The following CDYL2 variants were observed in gnomAD, a reference collection of about 807,000 sequenced individuals.
CDYL2 encodes chromodomain Y-like protein 2.
Under a neutral mutation model 49.4 loss-of-function variants are expected in CDYL2, and 23 were observed. That is an observed-to-expected ratio of 0.47 (90% CI 0.34 to 0.66). CDYL2 has a LOEUF of 0.66. Among genes scored for constraint, CDYL2 ranks in the 30% least tolerant of loss-of-function variants. CDYL2 has a pLI of 0.01. For synonymous variants in CDYL2, 360 were observed against 268.8 expected (o/e 1.34, Z -3.32); for missense variants, 678 against 656.4 (o/e 1.03, Z -0.36).
intron 3 of CDYL2, among the ~76,000 whole-genome samples, chr16:80,629,706 G>A (rs1430315721): frequency 6.6e-6 from 1 of 152,228 alleles, no homozygotes; most frequent in Non-Finnish European, 1.5e-5. Flanking sequence ...ACACAGTAAT[G>A]TATGAATTTC....
chr16:80,782,315 T>A (rs564288100), intron 1 of CDYL2, among the ~76,000 whole-genome samples: 2 of 151,428 alleles, frequency 1.3e-5, no homozygotes, highest in African/African-American at 4.8e-5. Flanking sequence ...TCTGAATAGA[T>A]CTGTAACATG....
chr16:80,728,960 A>G (rs931792868), intron 1 of CDYL2, among the ~76,000 whole-genome samples: 1 of 152,000 alleles, frequency 6.6e-6, no homozygotes, highest in African/African-American at 2.4e-5. Flanking sequence ...AGCGCTAAAC[A>G]TGGAAAGGAA....
At chr16:80,673,243 C>G (rs1181113397) in intron 2 of CDYL2, among the ~76,000 whole-genome samples, 1 of 151,996 alleles carries the variant, frequency 6.6e-6, no homozygotes, top group Non-Finnish European at 1.5e-5. Flanking sequence ...TCGTTTGGAC[C>G]CGGGAGGCGG....
intron 2 of CDYL2, among the ~76,000 whole-genome samples, chr16:80,655,268 T>G (rs1220949441): frequency 6.6e-6 from 1 of 152,228 alleles, no homozygotes; most frequent in African/African-American, 2.4e-5. Context: ...GAGCCAGGAT[T>G]GGAGCCAGCC....
intron 2 of CDYL2, among the ~76,000 whole-genome samples, chr16:80,654,047 G>C (rs1466229133): frequency 6.6e-6 from 1 of 152,208 alleles, no homozygotes; most frequent in East Asian, 1.9e-4. Context: ...CACCATTTCT[G>C]CCAATGAAGT....
chr16:80,682,123 A>G (rs1378269499), intron 2 of CDYL2, among the ~76,000 whole-genome samples: 3 of 152,202 alleles, frequency 2.0e-5, no homozygotes, highest in African/African-American at 7.2e-5. Context: ...GTTGCCAGAT[A>G]ATCTAATACA....
At chr16:80,718,965 G>T (rs766676322) in intron 1 of CDYL2, among the ~76,000 whole-genome samples, 5 of 152,168 alleles carry the variant, frequency 3.3e-5, no homozygotes, top group Admixed American at 2.6e-4. Context: ...ATTGTTCTTG[G>T]CAGTAAATCC....
chr16:80,653,626 T>C (rs1250538389), intron 2 of CDYL2, among the ~76,000 whole-genome samples: 1 of 152,228 alleles, frequency 6.6e-6, no homozygotes, highest in African/African-American at 2.4e-5. Context: ...TACAGGCATG[T>C]AATGTGAGAT....
rs1907737212 is a variant in CDYL2 at position 80,634,692 on chromosome 16, T to TAAGAAATACTAA, written c.617-1457_617-1456insTTAGTATTTCTT. ...ATAATAAAGAAATACTAAGAAAAAC[T>TAAGAAATACTAA]GCTCTGCCCATGTATTTGATAACTT... On this transcript the variant is annotated intron_variant, in intron 2 of 6. Coordinates refer to ENST00000570137, the MANE Select transcript of CDYL2 (RefSeq NM_152342.4). Among the ~76,000 whole-genome samples, 5 of 152,162 alleles carry TAAGAAATACTAA rather than the reference T, an allele frequency of 3.3e-5. No homozygotes were observed. The South Asian group carries it at 1.0e-3, about 32-fold the overall frequency.
At chr16:80,685,947 C>T (rs571158470) in intron 1 of CDYL2, among the ~76,000 whole-genome samples, 11 of 152,362 alleles carry the variant, frequency 7.2e-5, no homozygotes, top group Non-Finnish European at 1.6e-4. Context: ...CCAGCTGCAA[C>T]ACAGAGGCAC....
At chr16:80,624,485 A>T (rs538596748) in intron 3 of CDYL2, among the ~76,000 whole-genome samples, 1 of 152,206 alleles carries the variant, frequency 6.6e-6, no homozygotes, top group Non-Finnish European at 1.5e-5. Flanking sequence ...TCTGATGGAA[A>T]TGAATGTAAA....
chr16:80,663,876 G>A (rs2142439456), intron 2 of CDYL2, among the ~76,000 whole-genome samples: 1 of 152,320 alleles, frequency 6.6e-6, no homozygotes, highest in South Asian at 2.1e-4. Flanking sequence ...AGAGGTGTGA[G>A]CCACTATGCC....
At chr16:80,736,011 T>G (rs1022262679) in intron 1 of CDYL2, among the ~76,000 whole-genome samples, 1 of 152,224 alleles carries the variant, frequency 6.6e-6, no homozygotes, top group Non-Finnish European at 1.5e-5. Flanking sequence ...CTCCATCCGC[T>G]GGACTAAGGG....
intron 1 of CDYL2, among the ~76,000 whole-genome samples, chr16:80,794,699 C>G (rs190103938): frequency 6.7e-6 from 1 of 149,814 alleles, no homozygotes; most frequent in East Asian, 2.0e-4. Flanking sequence ...GCAACCTCCA[C>G]CTCCCAGGTT....
chr16:80,739,160 G>A (rs907518304), intron 1 of CDYL2, among the ~76,000 whole-genome samples: 1 of 152,236 alleles, frequency 6.6e-6, no homozygotes, highest in South Asian at 2.1e-4. Context: ...GTCATGAAAA[G>A]ACTGTATGAT....
intron 1 of CDYL2, among the ~76,000 whole-genome samples, chr16:80,758,822 G>A (rs541906776): frequency 5.3e-5 from 8 of 151,556 alleles, no homozygotes; most frequent in African/African-American, 1.7e-4. Context: ...GATTACAGGC[G>A]TGAGCCACCA....
At position 80,609,599 on chromosome 16, in the gene CDYL2, G is replaced by A. The variant is rs58399776; in HGVS notation, c.1219-1364C>T. ...CAAATGAACTCAGCAGAAGTTCGCT[G>A]GGAGAAGGGGCAAATGGCCATATCT... On this transcript the variant is annotated intron_variant, in intron 5 of 6. Transcript: ENST00000570137. Among the ~76,000 whole-genome samples, 1,131 of 152,318 alleles carry A rather than the reference G, an allele frequency of 7.4e-3. 11 individuals carry two copies. The highest frequency in any genetic ancestry group is 0.026 in the African/African-American group (1,084 of 41,570).
intron 2 of CDYL2, among the ~76,000 whole-genome samples, chr16:80,673,257 T>C (rs1272410958): frequency 1.3e-5 from 2 of 151,928 alleles, no homozygotes; most frequent in Non-Finnish European, 1.5e-5. Flanking sequence ...GAGGCGGAGG[T>C]TGCAGTGAGC....
At chr16:80,613,389 C>G (rs1348705246) in intron 4 of CDYL2, among the ~76,000 whole-genome samples, 1 of 152,120 alleles carries the variant, frequency 6.6e-6, no homozygotes, top group East Asian at 1.9e-4. Context: ...AGAGGGACTT[C>G]AAGCTTCAGA....
Sources: gnomAD v4.1 joint callset for allele counts (sites outside exome capture counted in the v4.1 genomes callset) on GRCh38, gnomAD v4.1.1 for gene constraint, MANE v1.5 for transcripts, NCBI Gene and HGNC (gene_info 2026-07-23, HGNC 2026-07-21) for gene names.